SRP68: variants seen among roughly 807,000 people sequenced by gnomAD.
SRP68 encodes the protein signal recognition particle 68.
SRP68 carries 15 observed loss-of-function variants against 82.2 expected under a neutral mutation model. The observed-to-expected ratio is 0.18, with a 90% CI of 0.12 to 0.28. The LOEUF is 0.28. Among genes scored for constraint, SRP68 ranks in the 10% least tolerant of loss-of-function variants. The pLI is 1.00. For missense variants in SRP68, 595 were observed against 780.5 expected (o/e 0.76, Z 2.83); for synonymous variants, 261 against 292.6 (o/e 0.89, Z 1.10).
chr17:76,042,180 G>A lies in SRP68; in HGVS notation c.1525-1202C>T, dbSNP rs960629491. Among the ~76,000 whole-genome samples, 9 of 152,038 alleles carry A rather than the reference G, an allele frequency of 5.9e-5. No homozygotes were observed. The East Asian group carries it at 9.8e-4, about 17-fold the overall frequency. On this transcript the variant is annotated intron_variant, in intron 13 of 15. Coordinates refer to ENST00000307877, the MANE Select transcript of SRP68 (RefSeq NM_014230.4). The stretch of plus-strand genomic sequence containing the variant: ...ATTACAGGCGTGAGCCACGGTGCCC[G>A]GCCCCTGCTTGCTTTTCTAAATGGT...
intron 11 of SRP68, among the ~76,000 whole-genome samples, chr17:76,045,636 C>T (rs866355960): frequency 6.6e-6 from 1 of 152,156 alleles, no homozygotes; most frequent in Non-Finnish European, 1.5e-5. Context: ...CTTCTTGGCC[C>T]ATCTTAGCTG....
intron 3 of SRP68, 145 bp from the exon 4 acceptor site, chr17:76,064,316 C>T (rs1598269436): frequency 2.9e-6 from 2 of 689,324 alleles, no homozygotes; most frequent in Middle Eastern, 4.1e-4. Flanking sequence ...TATTCTCAGC[C>T]ATGACTCTAA....
chr17:76,047,977 A>G lies in SRP68; in HGVS notation c.1078-7T>C. ...GGATATAATCTCTCTGTTTCTGCAG[A>G]AAGTGAAAAAGGTAAAAAGTAAAGC... On this transcript the variant is annotated splice_region_variant and splice_polypyrimidine_tract_variant and intron_variant, in intron 9 of 15. Coordinates refer to ENST00000307877, the MANE Select transcript of SRP68 (RefSeq NM_014230.4). 3.8e-6 allele frequency: 6 copies of G among 1,565,312 alleles called. No homozygotes were observed. Among genetic ancestry groups the G allele is most frequent in the Non-Finnish European group, 5.2e-6 (6 of 1,151,974 alleles).
chr17:76,067,206 G>A lies in SRP68; in HGVS notation c.365+11C>T. On this transcript the variant is annotated intron_variant, in intron 3 of 15. Transcript: ENST00000307877. Reference sequence around the variant, plus strand: ...AGAAGTAATTTGCAACTAGCATGGAGCAGTCAATACCTATTATCGGTCAGA... The same window carrying A: ...AGAAGTAATTTGCAACTAGCATGGAACAGTCAATACCTATTATCGGTCAGA... 2 of 1,587,900 alleles carry A rather than the reference G, an allele frequency of 1.3e-6. No homozygotes were observed. Among genetic ancestry groups the A allele is most frequent in the Non-Finnish European group, 1.7e-6 (2 of 1,156,400 alleles).
intron 13 of SRP68, 44 bp from the exon 14 acceptor site, chr17:76,041,022 C>A: frequency 6.5e-7 from 1 of 1,548,208 alleles, no homozygotes; most frequent in South Asian, 1.1e-5. Context: ...AGGGCCAGGT[C>A]AGAGAAGCAC....
chr17:76,057,350 G>T (rs2066720036), intron 8 of SRP68, 53 bp downstream of exon 8: 1 of 1,607,732 alleles, frequency 6.2e-7, no homozygotes, highest in African/African-American at 1.3e-5. Flanking sequence ...TAAACACACA[G>T]GACAACCTTC....
chr17:76,041,436 C>T (rs1184552956), intron 13 of SRP68: 1 of 153,064 alleles, frequency 6.5e-6, no homozygotes, highest in East Asian at 1.9e-4. Context: ...AGCCCTTAGT[C>T]GTTACATCCC....
At chr17:76,047,521 C>T (rs1053335213) in intron 10 of SRP68, among the ~76,000 whole-genome samples, 11 of 152,142 alleles carry the variant, frequency 7.2e-5, no homozygotes, top group Admixed American at 2.0e-4. Flanking sequence ...CAGTGGTTCA[C>T]GCCTATAATC....
chr17:76,061,380 G>A (rs574476223), intron 5 of SRP68, 112 bp downstream of exon 5: 521 of 1,046,534 alleles, frequency 5.0e-4, no homozygotes, highest in Non-Finnish European at 7.2e-4. Flanking sequence ...CATTTCTATA[G>A]GAAAGAAAAG....
intron 3 of SRP68, 69 bp downstream of exon 3, chr17:76,067,148 C>A (rs2066812952): frequency 7.6e-6 from 9 of 1,181,236 alleles, no homozygotes; most frequent in African/African-American, 1.5e-5. Flanking sequence ...GGCATGAAGT[C>A]TACCACGTCA....
intron 9 of SRP68, among the ~76,000 whole-genome samples, chr17:76,049,934 AC>A (rs2066659056): frequency 6.6e-6 from 1 of 152,224 alleles, no homozygotes; most frequent in Admixed American, 6.5e-5. Context: ...GGGAACCGAG[AC>A]CAAGCCAGAA....
rs533597216 is a variant in SRP68, at chr17:76,065,353, G to A, written c.366-1182C>T. Among the ~76,000 whole-genome samples, 4 of 151,016 alleles carry A rather than the reference G, an allele frequency of 2.6e-5. No homozygotes were observed. In the South Asian group the frequency reaches 8.4e-4, roughly 32 times the overall value. On this transcript the variant is annotated intron_variant, in intron 3 of 15. Coordinates refer to ENST00000307877, the MANE Select transcript of SRP68 (RefSeq NM_014230.4). Reference sequence around the variant, plus strand: ...TGCCTATAGTCCCAGCTACTCAGGAGGGTGAGACAGGAGTTGTTCAAGGCT... The same window carrying A: ...TGCCTATAGTCCCAGCTACTCAGGAAGGTGAGACAGGAGTTGTTCAAGGCT...
At chr17:76,042,254 A>C (rs556111095) in intron 13 of SRP68, among the ~76,000 whole-genome samples, 1 of 152,170 alleles carries the variant, frequency 6.6e-6, no homozygotes, top group South Asian at 2.1e-4. Flanking sequence ...TGATGTTGCA[A>C]CAAGTTCTAT....
intron 14 of SRP68, chr17:76,040,688 T>A: frequency 1.5e-6 from 1 of 658,814 alleles, no homozygotes; most frequent in South Asian, 1.8e-5. Flanking sequence ...CACAGTTGCA[T>A]GAGGACAGTA....
At chr17:76,041,104 C>T in intron 13 of SRP68, 126 bp from the exon 14 acceptor site, 1 of 634,384 alleles carries the variant, frequency 1.6e-6, no homozygotes, top group Admixed American at 3.1e-5. Context: ...ACGGTTCTCA[C>T]TATTAGAACA....
intron 8 of SRP68, 62 bp downstream of exon 8, chr17:76,057,340 TA>T: frequency 6.2e-7 from 1 of 1,602,292 alleles, no homozygotes; most frequent in South Asian, 1.1e-5. Context: ...CACTACATCT[TA>T]AACACACAGG....
In SRP68 at chr17:76,046,329, T is replaced by C. The variant is rs921700294; in HGVS notation, c.1143-135A>G. 3.5e-4 allele frequency: 350 copies of C among 997,214 alleles called. 1 individual carries two copies. Among genetic ancestry groups the C allele is most frequent in the Admixed American group, 2.7e-3 (127 of 47,678 alleles). The allele number at this position is 997,214 out of a possible 1,614,324, so 61.8% of individuals were successfully genotyped here. ...CGTGGCCACAGCAGGGCCATTTGGC[T>C]TGGGCTTCAAGGGACCCTCCATTTG... On this transcript the variant is annotated intron_variant, in intron 10 of 15. Coordinates refer to ENST00000307877, the MANE Select transcript of SRP68 (RefSeq NM_014230.4).
At chr17:76,040,541 C>T in intron 14 of SRP68, 67 bp from the exon 15 acceptor site, 1 of 1,514,926 alleles carries the variant, frequency 6.6e-7, no homozygotes, top group Admixed American at 1.7e-5. Context: ...CAAATGAGGC[C>T]TATCACACAG....
intron 8 of SRP68, among the ~76,000 whole-genome samples, chr17:76,052,139 C>T (rs1335992111): frequency 6.6e-6 from 1 of 152,140 alleles, no homozygotes; most frequent in African/African-American, 2.4e-5. Flanking sequence ...TCTTGGCCTC[C>T]CAAAGTGCTG....
Sources: gnomAD v4.1 joint callset for allele counts (sites outside exome capture counted in the v4.1 genomes callset) on GRCh38, gnomAD v4.1.1 for gene constraint, MANE v1.5 for transcripts, NCBI Gene and HGNC (gene_info 2026-07-23, HGNC 2026-07-21) for gene names.